Variants in PLXNA4 observed in about 807,000 individuals in gnomAD.
PLXNA4 encodes plexin A4, also known as plexin-A4.
PLXNA4 carries 44 observed loss-of-function variants against 191.8 expected under a neutral mutation model. That is an observed-to-expected ratio of 0.23 (90% confidence interval 0.18 to 0.29). The LOEUF (loss-of-function observed/expected upper bound fraction) is 0.29, where lower values mean the gene tolerates loss of function less well. PLXNA4 is among the 10% of genes least tolerant of loss of function. The pLI is 1.00. For synonymous variants in PLXNA4, 1,082 were observed against 1,009.5 expected (o/e 1.07, Z -1.36); for missense variants, 1,800 against 2,488.8 (o/e 0.72, Z 5.89).
chr7:132,288,322 CT>C (rs976845261), intron 4 of PLXNA4, among the ~76,000 whole-genome samples: 11 of 152,192 alleles, frequency 7.2e-5, no homozygotes, highest in African/African-American at 2.7e-4. Flanking sequence ...AGGGAAGTCA[CT>C]TCCCCTCTGG....
intron 3 of PLXNA4, among the ~76,000 whole-genome samples, chr7:132,428,508 G>A (rs1306778719): frequency 6.6e-6 from 1 of 152,204 alleles, no homozygotes; most frequent in African/African-American, 2.4e-5. Flanking sequence ...AAAACAGCTG[G>A]GTCTCTAGGG....
intron 4 of PLXNA4, among the ~76,000 whole-genome samples, chr7:132,292,159 A>G (rs746225482): frequency 2.0e-5 from 3 of 152,200 alleles, no homozygotes; most frequent in Non-Finnish European, 4.4e-5. Context: ...TACTTCTTTA[A>G]CTATGGATTC....
intron 18 of PLXNA4, 32 bp from the exon 19 acceptor site, chr7:132,180,764 C>A (rs774886293): frequency 1.9e-6 from 3 of 1,595,754 alleles, no homozygotes; most frequent in Non-Finnish European, 2.6e-6. Flanking sequence ...AGTTCCCACC[C>A]CAGAGTGAGG....
At chr7:132,234,676 C>T (rs1798639897) in intron 5 of PLXNA4, among the ~76,000 whole-genome samples, 1 of 150,746 alleles carries the variant, frequency 6.6e-6, no homozygotes, top group African/African-American at 2.4e-5. Context: ...AAAGAAAAGG[C>T]CCATTTCCTT....
chr7:132,313,197 CAA>C (rs1423247244), intron 3 of PLXNA4, among the ~76,000 whole-genome samples: 2 of 152,146 alleles, frequency 1.3e-5, no homozygotes, highest in African/African-American at 4.8e-5. Flanking sequence ...AATGGTTACA[CAA>C]AGTCTTATTT....
chr7:132,614,646 G>C (rs886606075), intron 2 of PLXNA4, among the ~76,000 whole-genome samples: 2 of 152,268 alleles, frequency 1.3e-5, no homozygotes, highest in African/African-American at 4.8e-5. Context: ...AACCACAGCT[G>C]TGTGCAGCGC....
At chr7:132,402,385 A>C (rs1794023908) in intron 3 of PLXNA4, among the ~76,000 whole-genome samples, 1 of 152,184 alleles carries the variant, frequency 6.6e-6, no homozygotes, top group South Asian at 2.1e-4. Context: ...AAGCCACCCT[A>C]GCGAGGCACA....
intron 2 of PLXNA4, among the ~76,000 whole-genome samples, chr7:132,634,832 T>C (rs1695940771): frequency 6.6e-6 from 1 of 152,166 alleles, no homozygotes; most frequent in African/African-American, 2.4e-5. Context: ...ATGCAAAATA[T>C]TGATTCTGGG....
At chr7:132,562,155 C>CT (rs1801190008) in intron 1 of PLXNA4, among the ~76,000 whole-genome samples, 1 of 112,594 alleles carries the variant, frequency 8.9e-6, no homozygotes, top group Non-Finnish European at 1.8e-5. Flanking sequence ...TCCTCCTTCT[C>CT]TCCTTCTCCT....
intron 2 of PLXNA4, among the ~76,000 whole-genome samples, chr7:132,603,586 G>C (rs1488569224): frequency 2.6e-5 from 4 of 152,162 alleles, no homozygotes; most frequent in Middle Eastern, 3.2e-3. Context: ...CAGTCTCACA[G>C]GTAAACATCT....
intron 3 of PLXNA4, among the ~76,000 whole-genome samples, chr7:132,445,762 T>C (rs1012221003): frequency 6.6e-6 from 1 of 152,104 alleles, no homozygotes; most frequent in African/African-American, 2.4e-5. Context: ...ACCCTGTGGA[T>C]GGAAGGCAGG....
rs10248377 is a variant in PLXNA4, at chr7:132,181,396, C to T, written c.3477G>A (p.Thr1159=). The T allele has an allele frequency of 5.0e-3, 8,027 of 1,613,590 alleles. 363 individuals are homozygous for T. In the African/African-American group the frequency reaches 0.096, roughly 19 times the overall value. The change falls in exon 18 of 32, where the codon ACG becomes ACA. Residue 1159 remains threonine, a synonymous_variant. Coordinates refer to ENST00000321063, the MANE Select transcript of PLXNA4 (RefSeq NM_020911.2). ...CTCACTCCACCTTTAGGATGATGGG[C>T]GTGCCAGGCTTGAGCTCCAGGATTC... is the stretch of plus-strand genomic sequence containing the variant. ...PSGILELKPG[T]PIILKGKNLI...
At chr7:132,540,405 T>C (rs1585301712) in intron 1 of PLXNA4, among the ~76,000 whole-genome samples, 1 of 152,048 alleles carries the variant, frequency 6.6e-6, no homozygotes, top group African/African-American at 2.4e-5. Context: ...TCAATTGCCC[T>C]AGCTCCAATC....
chr7:132,447,534 C>T (rs1212477537), intron 3 of PLXNA4, among the ~76,000 whole-genome samples: 1 of 152,112 alleles, frequency 6.6e-6, no homozygotes, highest in Non-Finnish European at 1.5e-5. Flanking sequence ...ACTGGGATAC[C>T]ATGTTACAAA....
At chr7:132,423,850 G>A (rs1161287966) in intron 3 of PLXNA4, among the ~76,000 whole-genome samples, 1 of 152,102 alleles carries the variant, frequency 6.6e-6, no homozygotes, top group East Asian at 1.9e-4. Context: ...AGCAACACAT[G>A]GGGATGGCCA....
Position 132,168,442 on chromosome 7 carries a change from C to T in PLXNA4, c.4148G>A (p.Arg1383His), listed in dbSNP as rs972742558. Residue 1383 changes from arginine to histidine, a missense_variant, in exon 22 of 32, where the codon CGT becomes CAT. Physicochemically the swap from Arg to His is conservative, Grantham distance 29. Transcript: ENST00000321063. ...CATGATGAGTGAGGCCACGTTGCCA[C>T]GGTCGCGCATGGAGAAGCTACGCTG... The part of the protein sequence containing the change: ...ESQRSFSMRD[R>H]GNVASLIMTV... 5.6e-6 allele frequency: 9 copies of T among 1,613,948 alleles called. No individual in the cohort carries two copies. Among genetic ancestry groups the T allele is most frequent in the African/African-American group, 1.3e-5 (1 of 74,936 alleles).
intron 4 of PLXNA4, among the ~76,000 whole-genome samples, chr7:132,285,249 T>C (rs1048015712): frequency 6.6e-6 from 1 of 152,206 alleles, no homozygotes; most frequent in Non-Finnish European, 1.5e-5. Context: ...AAATAACTTG[T>C]CCAAAGTCAA....
chr7:132,481,841 G>A (rs1161990374), intron 3 of PLXNA4, among the ~76,000 whole-genome samples: 2 of 152,190 alleles, frequency 1.3e-5, no homozygotes, highest in African/African-American at 4.8e-5. Context: ...TGCCTGCTGA[G>A]CCCCCAGGCC....
chr7:132,592,308 T>A (rs562592854), intron 2 of PLXNA4, among the ~76,000 whole-genome samples: 122 of 152,166 alleles, frequency 8.0e-4, no homozygotes, highest in African/African-American at 2.9e-3. Flanking sequence ...GAGACAAAGA[T>A]GGGAGTGCGG....
Sources: gnomAD v4.1 joint callset for allele counts (sites outside exome capture counted in the v4.1 genomes callset) on GRCh38, gnomAD v4.1.1 for gene constraint, MANE v1.5 for transcripts, NCBI Gene and HGNC (gene_info 2026-07-23, HGNC 2026-07-21) for gene names.